ZNF362: variants seen among roughly 807,000 people sequenced by gnomAD.
ZNF362 encodes the protein rotund homolog.
ZNF362 carries 11 observed loss-of-function variants against 42.9 expected under a neutral mutation model. The ratio of observed to expected loss-of-function variants is 0.26; its 90% CI spans 0.16 to 0.42. The LOEUF is 0.42. ZNF362 is among the 20% of genes least tolerant of loss of function. ZNF362 has a pLI of 1.00. For missense variants in ZNF362, 362 were observed against 576.2 expected (o/e 0.63, Z 3.81); for synonymous variants, 255 against 257.3 (o/e 0.99, Z 0.09).
chr1:33,160,009 G>A, the ZNF362 span: 1 of 1,565,024 alleles, frequency 6.4e-7, no homozygotes. Flanking sequence ...TGGGTGAGAG[G>A]AGGAAATCGA....
At chr1:33,154,809 A>G in the ZNF362 span, among the ~76,000 whole-genome samples, 18 of 117,374 alleles carry the variant, frequency 1.5e-4, no homozygotes, top group African/African-American at 4.6e-4. Context: ...AAAAAAAAAA[A>G]GTGGCCAGGC....
chr1:33,193,004 C>CACACACATATATATATAT, the ZNF362 span, among the ~76,000 whole-genome samples: 59 of 137,278 alleles, frequency 4.3e-4, no homozygotes, highest in Admixed American at 1.3e-3. Flanking sequence ...CACACACACA[C>CACACACATATATATATAT]ATATATATAT....
rs539824233 is a variant in ZNF362 at position 33,290,176 on chromosome 1, T to C, written c.909-4761T>C. Among the ~76,000 whole-genome samples the C allele has an allele frequency of 1.2e-4, 19 of 152,282 alleles. No homozygotes were observed. The East Asian group carries it at 2.9e-3, about 23-fold the overall frequency. Reference sequence around the variant, plus strand: ...TTGTTACATATGTATACATGTGCCATGTTGGTGTGCTGCACCCATTAACTC... The same window carrying C: ...TTGTTACATATGTATACATGTGCCACGTTGGTGTGCTGCACCCATTAACTC... On this transcript the variant is annotated intron_variant, in intron 6 of 8. Transcript: ENST00000539719.
the ZNF362 span, among the ~76,000 whole-genome samples, chr1:33,149,594 A>G: frequency 2.0e-5 from 3 of 151,796 alleles, no homozygotes; most frequent in Admixed American, 2.0e-4. Context: ...AGCTGAGACT[A>G]TAGGCATGCA....
the ZNF362 span, among the ~76,000 whole-genome samples, chr1:33,152,303 C>T: frequency 2.1e-4 from 32 of 152,276 alleles, no homozygotes; most frequent in East Asian, 5.4e-3. Context: ...TGGTGGCTCA[C>T]GCCCGTAATT....
At chr1:33,156,787 A>C in the ZNF362 span, among the ~76,000 whole-genome samples, 1 of 152,152 alleles carries the variant, frequency 6.6e-6, no homozygotes, top group Admixed American at 6.5e-5. Context: ...CAAACCTTAC[A>C]GGCTTACAAC....
chr1:33,181,776 G>C, the ZNF362 span: 1 of 220,650 alleles, frequency 4.5e-6, no homozygotes, highest in Non-Finnish European at 8.9e-6. This position sits in a 1 kb window ranked among gnomAD's most constrained non-coding sequence, Gnocchi z 6.5. Flanking sequence ...GGAGCTGGGA[G>C]AAGGGGATCC....
chr1:33,173,586 A>G, the ZNF362 span, among the ~76,000 whole-genome samples: 3 of 151,632 alleles, frequency 2.0e-5, no homozygotes, highest in Non-Finnish European at 4.4e-5. Flanking sequence ...GCTCACCTCC[A>G]TGCCTGTCCC....
chr1:33,295,464 G>A (rs953434546), intron 8 of ZNF362, among the ~76,000 whole-genome samples, 159 bp downstream of exon 8: 1 of 152,176 alleles, frequency 6.6e-6, no homozygotes, highest in Non-Finnish European at 1.5e-5. Context: ...CAGGGAAGGG[G>A]AGAACCAGAG....
At chr1:33,138,640 A>AAAAAAAAG in the ZNF362 span, among the ~76,000 whole-genome samples, 6 of 149,356 alleles carry the variant, frequency 4.0e-5, no homozygotes, top group South Asian at 2.1e-4. Context: ...AAAAAAAAAA[A>AAAAAAAAG]AAAAAGAAAA....
In ZNF362 at chr1:33,276,594, G is replaced by C; in HGVS notation, c.349G>C (p.Gly117Arg). 1 of 1,345,800 alleles carries C rather than the reference G, an allele frequency of 7.4e-7. No homozygotes were observed. Among genetic ancestry groups the C allele is most frequent in the Non-Finnish European group, 9.5e-7 (1 of 1,054,302 alleles). The allele number at this position is 1,345,800 out of a possible 1,614,324, so 83.4% of individuals were successfully genotyped here. ...ACGGCCGGCCACCAGCACCGTCACAGGTAGGCCGAGCGGGCGGGGCCGGCG... is the reference window on the plus strand; with the variant it reads ...ACGGCCGGCCACCAGCACCGTCACACGTAGGCCGAGCGGGCGGGGCCGGCG... ...HARPATSTVT[G>R]LGLSTRTPSV... is the part of the protein sequence containing the mutation. Residue 117 changes from glycine (G) to arginine (R), a missense_variant and splice_region_variant, in exon 4 of 9, where the codon GGT becomes CGT. Around this residue, in one of 3 missense-constraint regions of ZNF362, gnomAD observed 266 missense variants for 365.4 expected, o/e 0.73. Coordinates refer to ENST00000539719, the MANE Select transcript of ZNF362 (RefSeq NM_152493.3).
chr1:33,252,136 T>C (rs1450928816), upstream of ZNF362, among the ~76,000 whole-genome samples: 1 of 152,214 alleles, frequency 6.6e-6, no homozygotes, highest in Non-Finnish European at 1.5e-5. Context: ...GCAGATCACC[T>C]GAGGTCGGGA....
At chr1:33,197,174 G>C in the ZNF362 span, among the ~76,000 whole-genome samples, 933 of 152,304 alleles carry the variant, frequency 6.1e-3, 8 homozygotes, top group African/African-American at 0.022. Context: ...CCAGTGGCTT[G>C]CTGGGGGATC....
At chr1:33,270,887 C>T (rs551353600) in intron 2 of ZNF362, among the ~76,000 whole-genome samples, 2 of 152,256 alleles carry the variant, frequency 1.3e-5, no homozygotes, top group East Asian at 1.9e-4. Flanking sequence ...GCTGTCTGTC[C>T]GCATGTTCCT....
At chr1:33,271,487 T>C (rs1645903811) in intron 2 of ZNF362, among the ~76,000 whole-genome samples, 1 of 152,192 alleles carries the variant, frequency 6.6e-6, no homozygotes, top group Non-Finnish European at 1.5e-5. Flanking sequence ...CAGGAGCAAG[T>C]GCCTTGCCCA....
chr1:33,178,063 C>T, the ZNF362 span, among the ~76,000 whole-genome samples: 10 of 152,152 alleles, frequency 6.6e-5, no homozygotes, highest in East Asian at 1.9e-4. Context: ...AAAAGCTGCA[C>T]GCCAACTGCT....
intron 1 of ZNF362, among the ~76,000 whole-genome samples, chr1:33,265,410 A>G (rs1168559475): frequency 6.6e-6 from 1 of 152,008 alleles, no homozygotes; most frequent in East Asian, 1.9e-4. Flanking sequence ...TGCTCTGATT[A>G]GCCCTGCCAT....
chr1:33,231,811 C>T, the ZNF362 span, among the ~76,000 whole-genome samples: 2 of 152,124 alleles, frequency 1.3e-5, no homozygotes, highest in Non-Finnish European at 2.9e-5. Flanking sequence ...AGGGACACAC[C>T]CCAGCTCCCT....
At chr1:33,264,178 G>C (rs1289952172) in intron 1 of ZNF362, among the ~76,000 whole-genome samples, 1 of 152,192 alleles carries the variant, frequency 6.6e-6, no homozygotes, top group African/African-American at 2.4e-5. Context: ...GCTCCTGGGG[G>C]CCGGGCCAGA....
Sources: allele counts gnomAD v4.1 joint callset (sites outside exome capture counted in the v4.1 genomes callset), GRCh38; gene constraint gnomAD v4.1.1; regional missense constraint gnomAD v4.1.1; non-coding constraint Gnocchi (gnomAD v3.1); transcripts MANE v1.5; gene names NCBI Gene and HGNC (gene_info 2026-07-23, HGNC 2026-07-21).